The following DEDD2 variants were observed in gnomAD, a reference collection of about 807,000 sequenced individuals.
DEDD2 encodes DNA-binding death effector domain-containing protein 2.
In DEDD2, 18 loss-of-function variants were observed where a neutral mutation model predicts 28.9. The observed-to-expected ratio is 0.62, with a 90% CI of 0.43 to 0.92. The LOEUF (loss-of-function observed/expected upper bound fraction) is 0.92, where lower values mean the gene tolerates loss of function less well. DEDD2 is among the 40% of genes least tolerant of loss of function. The pLI is 0.00. For synonymous variants in DEDD2, 211 were observed against 206.1 expected (o/e 1.02, Z -0.20); for missense variants, 411 against 463.3 (o/e 0.89, Z 1.04).
chr19:42,201,057 C>G (rs938593421), intron 4 of DEDD2, among the ~76,000 whole-genome samples: 1 of 152,208 alleles, frequency 6.6e-6, no homozygotes, highest in African/African-American at 2.4e-5. Context: ...CTGCCAGGCG[C>G]CAAGTGCTTG....
intron 4 of DEDD2, among the ~76,000 whole-genome samples, chr19:42,203,372 A>T (rs571191197): frequency 6.6e-6 from 1 of 152,346 alleles, no homozygotes; most frequent in South Asian, 2.1e-4. Context: ...TTAGAAAGAA[A>T]AACAGGAGAG....
Position 42,199,981 on chromosome 19 carries a change from C to T in DEDD2, c.590-152G>A. On this transcript the variant is annotated intron_variant, in intron 4 of 4. Transcript: ENST00000596251. The surrounding 1 kb of genome is among the most constrained non-coding windows in gnomAD (Gnocchi z 7.4). ...ACAGCCTCCCCGGCTCTGTGGGGTTCCCTGACCAAGTACGTCCTCCTCTTC... is the reference window on the plus strand; with the variant it reads ...ACAGCCTCCCCGGCTCTGTGGGGTTTCCTGACCAAGTACGTCCTCCTCTTC... 8.1e-7 allele frequency: 1 copy of T among 1,234,588 alleles called. No homozygotes were observed. The highest frequency in any genetic ancestry group is 2.9e-5 in the Admixed American group (1 of 34,720). 76.5% of individuals were successfully genotyped at this position (1,234,588 alleles called of 1,614,324 possible). A position where few individuals can be genotyped will look rare whatever the true frequency, so the allele number is the denominator to read the frequency against.
At chr19:42,219,686 G>T (rs1199027684), upstream of DEDD2, among the ~76,000 whole-genome samples, 1 of 152,248 alleles carries the variant, frequency 6.6e-6, no homozygotes, top group East Asian at 1.9e-4. Context: ...GATGGCAATG[G>T]TAAGCTACGG....
chr19:42,209,824 C>T lies in DEDD2; in HGVS notation c.465G>A (p.Lys155=). The T allele has an allele frequency of 6.4e-7, 1 of 1,551,118 alleles. No individual in the cohort carries two copies. Among genetic ancestry groups the T allele is most frequent in the Non-Finnish European group, 8.7e-7 (1 of 1,150,484 alleles). ...GQWETGSPPT[K]RQRRSRGRPS... Reference sequence around the variant, plus strand: ...GCCGGCCCCGACTCCGCCGCTGCCGCTTGGTTGGGGGGGAGCCTGAGGGGA... The same window carrying T: ...GCCGGCCCCGACTCCGCCGCTGCCGTTTGGTTGGGGGGGAGCCTGAGGGGA... Residue 155 remains lysine, a synonymous_variant, in exon 4 of 5, where the codon AAG becomes AAA. Transcript: ENST00000596251.
intron 4 of DEDD2, among the ~76,000 whole-genome samples, chr19:42,209,146 C>T (rs1483903347): frequency 1.3e-5 from 2 of 152,008 alleles, no homozygotes; most frequent in Non-Finnish European, 2.9e-5. Flanking sequence ...GAGGCTGAGG[C>T]AGGAGAACTG....
intron 3 of DEDD2, among the ~76,000 whole-genome samples, chr19:42,214,762 T>C (rs2035897269): frequency 6.6e-6 from 1 of 151,962 alleles, no homozygotes; most frequent in Admixed American, 6.6e-5. Context: ...GCCCCTATCT[T>C]GAAAAAGCCA....
chr19:42,203,553 G>A (rs146985053), intron 4 of DEDD2, among the ~76,000 whole-genome samples: 256 of 152,286 alleles, frequency 1.7e-3, no homozygotes, highest in African/African-American at 6.0e-3. Context: ...AATCCCAATC[G>A]CCAGCAGACT....
chr19:42,213,450 A>G (rs988576344), intron 3 of DEDD2, among the ~76,000 whole-genome samples: 2 of 152,182 alleles, frequency 1.3e-5, no homozygotes, highest in African/African-American at 4.8e-5. Context: ...TCCCTTCACA[A>G]TGGACAAACA....
chr19:42,219,942 AGAG>A (rs1209902478), upstream of DEDD2: 1 of 152,340 alleles, frequency 6.6e-6, no homozygotes, highest in Admixed American at 6.5e-5. Context: ...AGAGGCCCGG[AGAG>A]GAGAATAACT....
intron 4 of DEDD2, among the ~76,000 whole-genome samples, chr19:42,205,535 G>C (rs1321148958): frequency 6.6e-6 from 1 of 152,082 alleles, no homozygotes; most frequent in Non-Finnish European, 1.5e-5. Flanking sequence ...GCTGAGGCAG[G>C]AGAATCGCTT....
intron 4 of DEDD2, chr19:42,202,086 A>G: frequency 2.5e-6 from 1 of 398,732 alleles, no homozygotes; most frequent in East Asian, 3.6e-5. Context: ...AAACACAAAC[A>G]AACAAGAGGT....
chr19:42,205,773 T>C (rs1308157992), intron 4 of DEDD2, among the ~76,000 whole-genome samples: 2 of 152,252 alleles, frequency 1.3e-5, no homozygotes, highest in East Asian at 1.9e-4. Context: ...CTATCTACTT[T>C]GGTGTATTTT....
intron 4 of DEDD2, among the ~76,000 whole-genome samples, chr19:42,206,069 G>A (rs1223677152): frequency 6.7e-6 from 1 of 149,190 alleles, no homozygotes; most frequent in Non-Finnish European, 1.5e-5. Context: ...GGGCGACGGA[G>A]ACCCTGTCTC....
intron 4 of DEDD2, among the ~76,000 whole-genome samples, chr19:42,208,636 C>T (rs932944423): frequency 5.3e-5 from 8 of 152,210 alleles, no homozygotes; most frequent in African/African-American, 1.9e-4. Flanking sequence ...TGCCGTGGCC[C>T]GCGAGGCCAA....
rs755912353 is a variant in DEDD2 at position 42,198,823 on chromosome 19, G to C, written c.*615C>G. On this transcript the variant is annotated 3_prime_UTR_variant, in exon 5 of 5. Coordinates refer to ENST00000596251, the MANE Select transcript of DEDD2 (RefSeq NM_133328.4). ...TATGTTCAGCTCTGGACAGCAGGGGGGAAGGTGAGGAGAGTCAGGTCTGTA... is the reference window on the plus strand; with the variant it reads ...TATGTTCAGCTCTGGACAGCAGGGGCGAAGGTGAGGAGAGTCAGGTCTGTA... The C allele has an allele frequency of 6.5e-6, 1 of 153,292 alleles. No individual in the cohort carries two copies. The highest frequency in any genetic ancestry group is 1.5e-5 in the Non-Finnish European group (1 of 68,774). The allele number at this position is 153,292 out of a possible 1,614,324, so 9.5% of individuals were successfully genotyped here.
intron 4 of DEDD2, among the ~76,000 whole-genome samples, chr19:42,200,371 G>A (rs1432144265): frequency 1.3e-5 from 2 of 152,242 alleles, no homozygotes; most frequent in African/African-American, 4.8e-5. Flanking sequence ...CACATAGTAG[G>A]TGTTCAATAT....
intron 4 of DEDD2, among the ~76,000 whole-genome samples, chr19:42,208,204 TC>T (rs2035609025): frequency 1.3e-5 from 2 of 152,120 alleles, no homozygotes; most frequent in Non-Finnish European, 2.9e-5. Context: ...TGCTGTGTCC[TC>T]CCCACATGAC....
Position 42,216,978 on chromosome 19 carries a change from CG to C in DEDD2, c.29del (p.Pro10ArgfsTer28). 6.3e-7 allele frequency: 1 copy of C among 1,597,640 alleles called. No individual in the cohort carries two copies. Among genetic ancestry groups the C allele is most frequent in the Non-Finnish European group, 8.5e-7 (1 of 1,172,630 alleles). MALSGSTPA[P>X]CWEEDECLDY... ...CCAGGCACTCATCCTCCTCCCAGCA[CG>C]GGGCCGGGGTCGACCCGGATAGCGC... is the stretch of plus-strand genomic sequence containing the variant. On this transcript the variant is annotated frameshift_variant, in exon 2 of 5. Transcript: ENST00000596251. LOFTEE classifies it high-confidence loss of function.
chr19:42,205,134 G>C (rs138944348), intron 4 of DEDD2, among the ~76,000 whole-genome samples: 1 of 152,136 alleles, frequency 6.6e-6, no homozygotes. Context: ...CCCTACTGCA[G>C]GATACAGTCA....
Sources: gnomAD v4.1 joint callset for allele counts (sites outside exome capture counted in the v4.1 genomes callset) on GRCh38, gnomAD v4.1.1 for gene constraint, Gnocchi (gnomAD v3.1) non-coding constraint, MANE v1.5 for transcripts, NCBI Gene and HGNC (gene_info 2026-07-23, HGNC 2026-07-21) for gene names.